MYO6: variants seen among roughly 807,000 people sequenced by gnomAD.
MYO6 encodes myosin VI.
In MYO6, 74 loss-of-function variants were observed where a neutral mutation model predicts 178.7. That is an observed-to-expected ratio of 0.41 (90% CI 0.34 to 0.50). The LOEUF is 0.50. MYO6 is among the 20% of genes least tolerant of loss of function. The pLI is 0.09. For missense variants in MYO6, 1,330 were observed against 1,547.4 expected, an observed-to-expected ratio of 0.86 and a Z score of 2.36; for synonymous variants, 477 against 504.6, an observed-to-expected ratio of 0.95 and a Z score of 0.73.
At chr6:75,809,485 A>G (rs2842542) in intron 1 of MYO6, among the ~76,000 whole-genome samples, 51,833 of 152,070 alleles carry the variant, frequency 0.34, 9,685 homozygotes, top group Admixed American at 0.48. Context: ...TGGCCCGATG[A>G]ACAGTCTCAA....
intron 1 of MYO6, among the ~76,000 whole-genome samples, chr6:75,815,387 C>A (rs1406306141): frequency 6.6e-6 from 1 of 152,150 alleles, no homozygotes; most frequent in Non-Finnish European, 1.5e-5. Flanking sequence ...CTATTAGATA[C>A]ATTCATGAAG....
At chr6:75,782,365 T>C (rs1357417084) in intron 1 of MYO6, among the ~76,000 whole-genome samples, 2 of 152,154 alleles carry the variant, frequency 1.3e-5, no homozygotes, top group Non-Finnish European at 2.9e-5. Flanking sequence ...ACCCTTATTA[T>C]ATTCAAGATT....
intron 3 of MYO6, among the ~76,000 whole-genome samples, chr6:75,826,428 C>T (rs775720474): frequency 2.6e-5 from 4 of 152,178 alleles, no homozygotes; most frequent in Non-Finnish European, 5.9e-5. Flanking sequence ...ATTCCCATGT[C>T]TGTGTAGGCT....
At chr6:75,888,158 C>T (rs1021753520) in intron 25 of MYO6, among the ~76,000 whole-genome samples, 1 of 151,602 alleles carries the variant, frequency 6.6e-6, no homozygotes, top group African/African-American at 2.4e-5. Context: ...GGTGTGATCG[C>T]ACGCGCCTGT....
At chr6:75,813,987 T>G (rs1352504008) in intron 1 of MYO6, among the ~76,000 whole-genome samples, 2 of 152,060 alleles carry the variant, frequency 1.3e-5, no homozygotes, top group African/African-American at 4.8e-5. Flanking sequence ...GAGCTGTGAG[T>G]TGCACTCCTG....
At chr6:75,863,358 C>T (rs1776363418) in intron 16 of MYO6, among the ~76,000 whole-genome samples, 1 of 152,162 alleles carries the variant, frequency 6.6e-6, no homozygotes, top group Non-Finnish European at 1.5e-5. Context: ...GTGGAAAATA[C>T]ACTCAGAGAG....
In MYO6 at chr6:75,914,955, G is replaced by C. The variant is rs778058116; in HGVS notation, c.3801G>C (p.Glu1267Asp). The C allele has an allele frequency of 6.2e-7, 1 of 1,614,076 alleles. No individual in the cohort carries two copies. Among genetic ancestry groups the C allele is most frequent in the Non-Finnish European group, 8.5e-7 (1 of 1,180,030 alleles). The change falls in exon 35 of 35, where the codon GAG becomes GAC. Residue 1267 changes from glutamate (E) to aspartate (D), a missense_variant. Transcript: ENST00000369977. ...GGIQYLQNAI[E>D]SRQARPTYAT... ...TCCAGTACCTTCAGAATGCGATTGA[G>C]AGCAGACAGGCTCGGCCCACCTATG...
chr6:75,801,810 A>G (rs11968226), intron 1 of MYO6, among the ~76,000 whole-genome samples: 8,548 of 151,772 alleles, frequency 0.056, 541 homozygotes, highest in African/African-American at 0.15. Context: ...GTGTGGTGGC[A>G]GGCGCCTGTA....
chr6:75,843,088 T>A (rs1221634549), intron 9 of MYO6, among the ~76,000 whole-genome samples: 1 of 152,184 alleles, frequency 6.6e-6, no homozygotes, highest in African/African-American at 2.4e-5. Context: ...CACCCACTAC[T>A]ATATCCACTT....
At chr6:75,835,442 A>T (rs959383611) in intron 6 of MYO6, among the ~76,000 whole-genome samples, 40 of 152,016 alleles carry the variant, frequency 2.6e-4, no homozygotes, top group Non-Finnish European at 4.3e-4. Flanking sequence ...ATATATATAT[A>T]TTTTTTTGAA....
At chr6:75,836,279 T>G (rs1773634062) in intron 7 of MYO6, among the ~76,000 whole-genome samples, 1 of 152,214 alleles carries the variant, frequency 6.6e-6, no homozygotes, top group Non-Finnish European at 1.5e-5. Context: ...ATGGAGCTTG[T>G]TTTGTGTAAA....
chr6:75,807,547 T>C (rs1770226013), intron 1 of MYO6, among the ~76,000 whole-genome samples: 1 of 152,210 alleles, frequency 6.6e-6, no homozygotes, highest in South Asian at 2.1e-4. Context: ...TTCCCCCTAT[T>C]TTCTATTGTT....
At chr6:75,849,131 C>T (rs985472014) in intron 11 of MYO6, among the ~76,000 whole-genome samples, 1 of 152,132 alleles carries the variant, frequency 6.6e-6, no homozygotes, top group Non-Finnish European at 1.5e-5. Flanking sequence ...AAACTATGAA[C>T]CACAGCCCAA....
At chr6:75,834,008 A>G (rs1052584057) in intron 6 of MYO6, among the ~76,000 whole-genome samples, 5 of 152,206 alleles carry the variant, frequency 3.3e-5, no homozygotes, top group African/African-American at 9.7e-5. Context: ...TACTGGTTAG[A>G]CAAAGGGTGA....
intron 1 of MYO6, among the ~76,000 whole-genome samples, chr6:75,765,262 C>T (rs1200751129): frequency 2.1e-5 from 3 of 144,518 alleles, no homozygotes; most frequent in Non-Finnish European, 4.5e-5. Flanking sequence ...CTGCAACCTC[C>T]ACCCCCTGGG....
intron 1 of MYO6, among the ~76,000 whole-genome samples, chr6:75,794,791 A>G: frequency 6.6e-6 from 1 of 152,178 alleles, no homozygotes; most frequent in East Asian, 1.9e-4. Context: ...CCTAATAAGA[A>G]AATTAATATA....
In MYO6 at chr6:75,898,364, T is replaced by C. The variant is rs1562300552; in HGVS notation, c.3138-9T>C. 5 of 1,598,436 alleles carry C rather than the reference T, an allele frequency of 3.1e-6. No homozygotes were observed. Among genetic ancestry groups the C allele is most frequent in the Non-Finnish European group, 4.3e-6 (5 of 1,165,830 alleles). ...ATGTAACCATATTGTATTATCGTTT[T>C]TCTTGTAGGGAACAAATGGCCAAAG... On this transcript the variant is annotated splice_polypyrimidine_tract_variant and intron_variant, in intron 29 of 34. Coordinates refer to ENST00000369977, the MANE Select transcript of MYO6 (RefSeq NM_004999.4).
chr6:75,781,941 AAAGAT>A (rs1234041218), intron 1 of MYO6, among the ~76,000 whole-genome samples: 7 of 150,910 alleles, frequency 4.6e-5, no homozygotes, highest in Non-Finnish European at 7.4e-5. Flanking sequence ...AAAAAAAAAA[AAAGAT>A]AAAGGAATGG....
intron 1 of MYO6, among the ~76,000 whole-genome samples, chr6:75,795,853 C>A (rs73751011): frequency 1.7e-3 from 261 of 152,168 alleles, no homozygotes; most frequent in African/African-American, 6.1e-3. Context: ...TATTTACATT[C>A]CAACAGATTG....
Sources: gnomAD v4.1 joint callset for allele counts (sites outside exome capture counted in the v4.1 genomes callset) on GRCh38, gnomAD v4.1.1 for gene constraint, MANE v1.5 for transcripts, NCBI Gene and HGNC (gene_info 2026-07-23, HGNC 2026-07-21) for gene names.